The following LARGE1 variants were observed in gnomAD, a reference collection of about 807,000 sequenced individuals.
The protein encoded by LARGE1 is LARGE xylosyl- and glucuronyltransferase 1.
A neutral mutation model predicts 87.6 loss-of-function variants in LARGE1; 43 were observed. That is an observed-to-expected ratio of 0.49 (90% CI 0.38 to 0.63). The LOEUF (loss-of-function observed/expected upper bound fraction) is 0.63. Ranked by LOEUF, LARGE1 falls within the 30% of genes least tolerant of loss-of-function variation. The pLI is 0.00. For synonymous variants in LARGE1, 434 were observed against 394.6 expected (o/e 1.10, Z -1.18); for missense variants, 802 against 1,000.2 (o/e 0.80, Z 2.67).
chr22:33,608,372 C>T (rs2079327110), intron 4 of LARGE1, among the ~76,000 whole-genome samples: 1 of 152,132 alleles, frequency 6.6e-6, no homozygotes. Context: ...CCCATGAATT[C>T]CTGTTCATTC....
chr22:33,196,866 A>G lies in LARGE1; in HGVS notation c.1731-30034T>C, dbSNP rs1924110914. Among the ~76,000 whole-genome samples the G allele has an allele frequency of 2.0e-5, 3 of 152,288 alleles. No individual in the cohort carries two copies. The South Asian group carries it at 6.2e-4, about 32-fold the overall frequency. On this transcript the variant is annotated intron_variant, in intron 11 of 11. Transcript: ENST00000608642. ...ACTATGCCTCATGGCTTTACACTCA[A>G]AAGTCCTTAACTAGCAAAATGAACT...
chr22:33,677,852 T>C (rs1436061908), intron 2 of LARGE1, among the ~76,000 whole-genome samples: 1 of 152,206 alleles, frequency 6.6e-6, no homozygotes, highest in Non-Finnish European at 1.5e-5. Flanking sequence ...GCATGGGTTA[T>C]AGGTACAATC....
At chr22:33,395,346 C>G (rs571600812) in intron 7 of LARGE1, among the ~76,000 whole-genome samples, 1 of 151,722 alleles carries the variant, frequency 6.6e-6, no homozygotes, top group Admixed American at 6.6e-5. Flanking sequence ...AGTGGGTAAC[C>G]GGATGGAGCC....
At chr22:33,786,764 G>T (rs1362245750) in intron 1 of LARGE1, among the ~76,000 whole-genome samples, 1 of 152,210 alleles carries the variant, frequency 6.6e-6, no homozygotes, top group Non-Finnish European at 1.5e-5. Flanking sequence ...GCTCACGCCT[G>T]TAATCCCAGC....
intron 1 of LARGE1, among the ~76,000 whole-genome samples, chr22:33,862,536 C>T (rs1386578299): frequency 6.6e-6 from 1 of 152,212 alleles, no homozygotes; most frequent in East Asian, 1.9e-4. Context: ...CATAAACCCA[C>T]TCTGAGTGGG....
chr22:33,564,930 C>T lies in LARGE1; in HGVS notation c.705G>A (p.Leu235=). ...CCGTGTCAAGGACGATGACTCTCTCCAGGTTGGCAGGAAGAGTCTTGGTCA... is the reference window on the plus strand; with the variant it reads ...CCGTGTCAAGGACGATGACTCTCTCTAGGTTGGCAGGAAGAGTCTTGGTCA... The part of the protein sequence containing the change: ...LVLTKTLPAN[L]ERVIVLDTDI... Residue 235 remains leucine (L), a synonymous_variant, in exon 6 of 15, where the codon CTG becomes CTA. Transcript: ENST00000397394. 6.2e-7 allele frequency: 1 copy of T among 1,614,062 alleles called. No individual in the cohort carries two copies. The highest frequency in any genetic ancestry group is 2.2e-5 in the East Asian group (1 of 44,872).
intron 12 of LARGE1, among the ~76,000 whole-genome samples, chr22:33,283,918 AAGAG>A (rs1931007301): frequency 6.6e-6 from 1 of 152,098 alleles, no homozygotes; most frequent in Non-Finnish European, 1.5e-5. Flanking sequence ...AAGGAAAAGA[AAGAG>A]AAAGAAGGAA....
intron 7 of LARGE1, among the ~76,000 whole-genome samples, chr22:33,401,549 G>A (rs953436216): frequency 1.3e-5 from 2 of 152,166 alleles, no homozygotes; most frequent in African/African-American, 4.8e-5. Context: ...GAGAGTGGTA[G>A]CCATTTTTTT....
intron 11 of LARGE1, among the ~76,000 whole-genome samples, chr22:33,225,728 T>G (rs1925700539): frequency 6.6e-6 from 1 of 152,124 alleles, no homozygotes; most frequent in African/African-American, 2.4e-5. Flanking sequence ...CACCCTCAAC[T>G]AGGCCCCACT....
chr22:33,153,602 G>A, the LARGE1 span, among the ~76,000 whole-genome samples: 1 of 152,172 alleles, frequency 6.6e-6, no homozygotes, highest in African/African-American at 2.4e-5. Flanking sequence ...CTTACTCATG[G>A]TGGGGTGTGG....
chr22:33,117,742 ATTTG>A, the LARGE1 span, among the ~76,000 whole-genome samples: 11 of 152,140 alleles, frequency 7.2e-5, no homozygotes, highest in South Asian at 2.1e-4. Context: ...CACCTTATTT[ATTTG>A]TTTGTTTATT....
chr22:33,728,393 G>A (rs1193988741), intron 2 of LARGE1, among the ~76,000 whole-genome samples: 1 of 151,644 alleles, frequency 6.6e-6, no homozygotes, highest in Non-Finnish European at 1.5e-5. Context: ...ACAAAAATTA[G>A]CCAGGCACGG....
intron 7 of LARGE1, among the ~76,000 whole-genome samples, chr22:33,428,384 C>T (rs1307632437): frequency 5.3e-5 from 8 of 149,590 alleles, no homozygotes; most frequent in Admixed American, 2.7e-4. Flanking sequence ...GGCATGATCT[C>T]GGCTCACTGC....
At chr22:33,410,990 G>T (rs755312795) in intron 7 of LARGE1, among the ~76,000 whole-genome samples, 4 of 152,206 alleles carry the variant, frequency 2.6e-5, no homozygotes, top group Non-Finnish European at 5.9e-5. Flanking sequence ...CGTTCTGAAT[G>T]ATGGCCAGAT....
intron 9 of LARGE1, among the ~76,000 whole-genome samples, chr22:33,367,570 C>A (rs1287573419): frequency 6.6e-6 from 1 of 152,022 alleles, no homozygotes; most frequent in Non-Finnish European, 1.5e-5. Flanking sequence ...GCTACCACCA[C>A]TGCCCCACTC....
intron 2 of LARGE1, among the ~76,000 whole-genome samples, chr22:33,726,356 G>C (rs1201191959): frequency 6.6e-6 from 1 of 152,148 alleles, no homozygotes; most frequent in African/African-American, 2.4e-5. Context: ...TTCCCCTCCT[G>C]ACTCTAAACC....
intron 6 of LARGE1, among the ~76,000 whole-genome samples, chr22:33,540,810 C>T (rs1049829066): frequency 3.3e-5 from 5 of 151,934 alleles, no homozygotes; most frequent in East Asian, 1.9e-4. Context: ...AACAACTGCA[C>T]TCAGAGAAGA....
chr22:33,518,875 G>A lies in LARGE1; in HGVS notation c.787+45973C>T, dbSNP rs79712105. ...ATCCTGACATACATCAAAAGAGACG[G>A]TCATGTGTACATATATCCAGGGACC... is the stretch of plus-strand genomic sequence containing the variant. On this transcript the variant is annotated intron_variant, in intron 6 of 14. Coordinates refer to ENST00000397394, the MANE Select transcript of LARGE1 (RefSeq NM_133642.5). 5.3e-3 allele frequency among the ~76,000 whole-genome samples: 813 copies of A among 152,164 alleles called. 6 individuals carry two copies. Among genetic ancestry groups the A allele is most frequent in the African/African-American group, 0.018 (757 of 41,520 alleles).
At chr22:33,155,451 T>A in the LARGE1 span, among the ~76,000 whole-genome samples, 1 of 152,216 alleles carries the variant, frequency 6.6e-6, no homozygotes, top group Non-Finnish European at 1.5e-5. Context: ...TGTTACATTT[T>A]AGCACAGAGA....
Sources: allele counts gnomAD v4.1 joint callset (sites outside exome capture counted in the v4.1 genomes callset), GRCh38; gene constraint gnomAD v4.1.1; transcripts MANE v1.5; gene names NCBI Gene and HGNC (gene_info 2026-07-23, HGNC 2026-07-21).